Variants in BLTP1 observed in about 807,000 individuals in gnomAD.
The protein encoded by BLTP1 is bridge-like lipid transfer protein family member 1.
chr4:122,202,440 A>G, the BLTP1 span: 1 of 176,086 alleles, frequency 5.7e-6, no homozygotes, highest in Non-Finnish European at 1.1e-5. Context: ...TAGATGAGGA[A>G]GATGAGTTAC....
At chr4:122,249,727 G>A in the BLTP1 span, 3 of 1,604,076 alleles carry the variant, frequency 1.9e-6, no homozygotes, top group Admixed American at 3.4e-5. Flanking sequence ...GGACAAATAT[G>A]TCCTATATTG....
chr4:122,276,622 G>T, the BLTP1 span: 25 of 982,276 alleles, frequency 2.5e-5, no homozygotes, highest in Non-Finnish European at 3.0e-5. Flanking sequence ...TGAAATGTTG[G>T]TGTTAAACAA....
the BLTP1 span, chr4:122,236,748 T>C: frequency 2.1e-6 from 2 of 948,408 alleles, no homozygotes; most frequent in Non-Finnish European, 2.5e-6. Context: ...ATTCTCTTTC[T>C]AACATTGAAG....
chr4:122,167,947 C>T, the BLTP1 span: 1 of 950,616 alleles, frequency 1.1e-6, no homozygotes, highest in Non-Finnish European at 1.3e-6. Flanking sequence ...TCCAGTCTCT[C>T]ACTATTAAGG....
chr4:122,312,861 G>C, the BLTP1 span: 1 of 831,978 alleles, frequency 1.2e-6, no homozygotes, highest in African/African-American at 1.8e-5. Flanking sequence ...ATTACAAAAG[G>C]ACATTAAAGA....
the BLTP1 span, chr4:122,164,287 A>C: frequency 1.7e-6 from 1 of 595,696 alleles, no homozygotes; most frequent in South Asian, 7.4e-5. Flanking sequence ...CGTTTTCCCA[A>C]CTACAGCATC....
the BLTP1 span, chr4:122,170,047 A>G: frequency 1.0e-6 from 1 of 954,844 alleles, no homozygotes; most frequent in Admixed American, 6.2e-5. Context: ...TGGCTCACGC[A>G]TGTAATCCCA....
At chr4:122,172,048 T>G in the BLTP1 span, 1 of 612,388 alleles carries the variant, frequency 1.6e-6, no homozygotes, top group African/African-American at 2.0e-5. Flanking sequence ...TAATGGCATA[T>G]CATCAAAATA....
chr4:122,352,355 CTTTTT>C, the BLTP1 span, among the ~76,000 whole-genome samples: 4 of 111,714 alleles, frequency 3.6e-5, no homozygotes, highest in East Asian at 7.8e-4. Context: ...TTTGGTTTTT[CTTTTT>C]TTTTTTTTTT....
At chr4:122,193,429 A>C in the BLTP1 span, 2 of 158,922 alleles carry the variant, frequency 1.3e-5, no homozygotes, top group Admixed American at 6.5e-5. Flanking sequence ...GAAGAGTTTT[A>C]TAAATGCATG....
the BLTP1 span, among the ~76,000 whole-genome samples, chr4:122,232,437 A>G: frequency 1.3e-5 from 2 of 152,092 alleles, no homozygotes; most frequent in Non-Finnish European, 2.9e-5. Flanking sequence ...TTTGTATTTT[A>G]TTCGCTAAAT....
chr4:122,276,499 A>G, the BLTP1 span: 23 of 981,796 alleles, frequency 2.3e-5, no homozygotes, highest in South Asian at 4.7e-5. Context: ...GGCCTTTACT[A>G]TATGTAAATA....
the BLTP1 span, chr4:122,187,859 A>G: frequency 1.3e-6 from 2 of 1,544,256 alleles, no homozygotes; most frequent in Non-Finnish European, 1.7e-6. Context: ...ATAGCATGAT[A>G]TAATATCTCT....
At chr4:122,159,173 T>C in the BLTP1 span, among the ~76,000 whole-genome samples, 1 of 152,068 alleles carries the variant, frequency 6.6e-6, no homozygotes, top group Non-Finnish European at 1.5e-5. Flanking sequence ...TTAAATATGG[T>C]TTTTGGCTGG....
chr4:122,200,658 A>G, the BLTP1 span: 6 of 985,100 alleles, frequency 6.1e-6, no homozygotes, highest in Non-Finnish European at 7.2e-6. Flanking sequence ...ATCACACTCT[A>G]TCTTCCTTCA....
chr4:122,165,841 TC>T, the BLTP1 span, among the ~76,000 whole-genome samples: 22 of 149,332 alleles, frequency 1.5e-4, no homozygotes, highest in African/African-American at 4.4e-4. Flanking sequence ...GAGCATTTTT[TC>T]ATGTGTCTGT....
chr4:122,209,078 T>C, the BLTP1 span: 1 of 1,331,484 alleles, frequency 7.5e-7, no homozygotes, highest in Non-Finnish European at 9.7e-7. Flanking sequence ...AAGATTGTTG[T>C]AGACAGGTTT....
the BLTP1 span, among the ~76,000 whole-genome samples, chr4:122,166,291 T>C: frequency 6.6e-6 from 1 of 152,220 alleles, no homozygotes; most frequent in Admixed American, 6.5e-5. Flanking sequence ...TTTCTACATA[T>C]GGCTAGCCAG....
chr4:122,302,684 G>A, the BLTP1 span, among the ~76,000 whole-genome samples: 1 of 152,186 alleles, frequency 6.6e-6, no homozygotes, highest in Non-Finnish European at 1.5e-5. Context: ...GCCAAGTTGT[G>A]AATGCAAAGG....
Sources: gnomAD v4.1 joint callset for allele counts (sites outside exome capture counted in the v4.1 genomes callset) on GRCh38, gnomAD v4.1.1 for gene constraint, MANE v1.5 for transcripts, NCBI Gene and HGNC (gene_info 2026-07-23, HGNC 2026-07-21) for gene names.